Variants in ZFHX3 observed in about 807,000 individuals in gnomAD.
The protein encoded by ZFHX3 is zinc finger homeobox protein 3.
ZFHX3 carries 42 observed loss-of-function variants against 279.1 expected under a neutral mutation model. The ratio of observed to expected loss-of-function variants is 0.15; its 90% CI spans 0.12 to 0.19. The LOEUF is 0.19. Ranked by LOEUF, ZFHX3 falls within the 10% of genes least tolerant of loss-of-function variation. The probability of loss-of-function intolerance (pLI) is 1.00; values close to 1 mark genes in which losing one functional copy is unlikely to be tolerated. For synonymous variants in ZFHX3, 2,293 were observed against 1,957.8 expected (o/e 1.17, Z -4.52); for missense variants, 4,981 against 4,754.0 (o/e 1.05, Z -1.40).
exon 1 of ZFHX3, chr16:73,058,571 G>C (rs991496842): frequency 3.4e-5 from 8 of 235,628 alleles, no homozygotes; most frequent in Non-Finnish European, 6.5e-5. Context: ...CGGCGCTGCT[G>C]GCGACGGCGG....
chr16:72,907,548 TGTGTGTG>T (rs2039210234), intron 3 of ZFHX3, among the ~76,000 whole-genome samples: 1 of 17,664 alleles, frequency 5.7e-5, no homozygotes, highest in African/African-American at 1.7e-4. Context: ...CCTCTATTTG[TGTGTGTG>T]TGTGTGTGTG....
intron 4 of ZFHX3, among the ~76,000 whole-genome samples, chr16:73,285,946 T>A (rs2014584868): frequency 1.3e-5 from 2 of 152,358 alleles, no homozygotes; most frequent in South Asian, 4.1e-4. Context: ...TTTGCATATA[T>A]TATATTTTAA....
intron 2 of ZFHX3, among the ~76,000 whole-genome samples, chr16:73,456,581 C>G (rs2018376132): frequency 6.6e-6 from 1 of 152,226 alleles, no homozygotes; most frequent in Non-Finnish European, 1.5e-5. Context: ...ATAGGCAAGA[C>G]CACAGCCAGC....
intron 4 of ZFHX3, among the ~76,000 whole-genome samples, chr16:73,289,464 G>A (rs1249020153): frequency 6.6e-6 from 1 of 151,980 alleles, no homozygotes; most frequent in Non-Finnish European, 1.5e-5. Flanking sequence ...AAAAAACCTG[G>A]CTTTGCACGC....
At chr16:73,351,649 G>C (rs2016244140) in intron 3 of ZFHX3, among the ~76,000 whole-genome samples, 1 of 152,234 alleles carries the variant, frequency 6.6e-6, no homozygotes, top group Admixed American at 6.5e-5. Flanking sequence ...AGTCCTGGCT[G>C]TTTGATAGGT....
At chr16:73,020,245 G>A (rs888807560) in intron 1 of ZFHX3, among the ~76,000 whole-genome samples, 11 of 152,130 alleles carry the variant, frequency 7.2e-5, no homozygotes, top group Admixed American at 1.3e-4. Flanking sequence ...AATCACATAC[G>A]CAAACTTTAC....
At chr16:73,426,490 A>C (rs1412109494) in intron 3 of ZFHX3, among the ~76,000 whole-genome samples, 1 of 152,070 alleles carries the variant, frequency 6.6e-6, no homozygotes, top group Non-Finnish European at 1.5e-5. Context: ...CAGAATTATG[A>C]AAACCATTCT....
chr16:73,518,494 A>T (rs1181935261), intron 2 of ZFHX3, among the ~76,000 whole-genome samples: 1 of 152,156 alleles, frequency 6.6e-6, no homozygotes, highest in Non-Finnish European at 1.5e-5. Flanking sequence ...TTTCCCATTC[A>T]GGGGACTGAG....
chr16:72,982,209 T>A (rs1334738485), intron 1 of ZFHX3, among the ~76,000 whole-genome samples: 1 of 152,144 alleles, frequency 6.6e-6, no homozygotes, highest in Non-Finnish European at 1.5e-5. Flanking sequence ...AACACTCTCA[T>A]TTGACCTCTA....
chr16:73,436,084 C>A (rs1174128256), intron 3 of ZFHX3, among the ~76,000 whole-genome samples: 1 of 152,222 alleles, frequency 6.6e-6, no homozygotes, highest in Admixed American at 6.5e-5. Flanking sequence ...AATCTCAACA[C>A]TTTGGGAGGC....
chr16:73,694,858 C>G (rs2053181856), intron 1 of ZFHX3, among the ~76,000 whole-genome samples: 1 of 152,178 alleles, frequency 6.6e-6, no homozygotes, highest in South Asian at 2.1e-4. Flanking sequence ...GTCAACCTGA[C>G]AGTGACAAAT....
intron 5 of ZFHX3, among the ~76,000 whole-genome samples, chr16:73,241,790 C>CAAAAAAAA (rs60214410): frequency 1.9e-5 from 1 of 51,282 alleles, no homozygotes; most frequent in African/African-American, 8.5e-5. Context: ...AACTCCGTCT[C>CAAAAAAAA]AAAAAAAAAA....
chr16:72,986,517 C>A (rs919310702), intron 1 of ZFHX3, among the ~76,000 whole-genome samples: 4 of 152,178 alleles, frequency 2.6e-5, no homozygotes, highest in African/African-American at 9.7e-5. Flanking sequence ...CTGAACTGGG[C>A]TTGGGTCCCA....
chr16:73,420,743 G>T (rs1042600930), intron 3 of ZFHX3: 2 of 152,166 alleles, frequency 1.3e-5, no homozygotes, highest in Non-Finnish European at 2.9e-5. Flanking sequence ...ATATGTTTCG[G>T]GAAAGGTCAG....
At chr16:73,001,800 C>A (rs1963508316) in intron 1 of ZFHX3, among the ~76,000 whole-genome samples, 1 of 150,112 alleles carries the variant, frequency 6.7e-6, no homozygotes, top group Non-Finnish European at 1.5e-5. Context: ...TCAGCTTGGA[C>A]AAGACAGTGA....
chr16:73,108,808 A>G (rs1268963135), intron 7 of ZFHX3, among the ~76,000 whole-genome samples: 1 of 152,226 alleles, frequency 6.6e-6, no homozygotes, highest in African/African-American at 2.4e-5. Flanking sequence ...TCAGCATCAA[A>G]CCGAAAACAA....
At chr16:73,361,439 C>A (rs151338045) in intron 3 of ZFHX3, among the ~76,000 whole-genome samples, 1 of 152,240 alleles carries the variant, frequency 6.6e-6, no homozygotes, top group African/African-American at 2.4e-5. Context: ...ACAGCTGAAT[C>A]GCCCAGCTGA....
intron 3 of ZFHX3, among the ~76,000 whole-genome samples, chr16:72,911,341 A>T (rs973538998): frequency 2.0e-5 from 3 of 152,236 alleles, no homozygotes; most frequent in African/African-American, 7.2e-5. Context: ...TCAGGAAGTA[A>T]TTGAGGGAAA....
chr16:73,519,894 A>C (rs2019583774), intron 2 of ZFHX3, among the ~76,000 whole-genome samples: 1 of 152,202 alleles, frequency 6.6e-6, no homozygotes, highest in Non-Finnish European at 1.5e-5. Flanking sequence ...TTCAAAACAA[A>C]AGTTTCTAGG....
Sources: allele counts gnomAD v4.1 joint callset (sites outside exome capture counted in the v4.1 genomes callset), GRCh38; gene constraint gnomAD v4.1.1; transcripts MANE v1.5; gene names NCBI Gene and HGNC (gene_info 2026-07-23, HGNC 2026-07-21).